The following OSTC variants were observed in gnomAD, a reference collection of about 807,000 sequenced individuals.
OSTC encodes oligosaccharyltransferase complex subunit OSTC.
Under a neutral mutation model 16.4 loss-of-function variants are expected in OSTC, and 16 were observed. The observed-to-expected ratio is 0.98, with a 90% CI of 0.66 to 1.49. The LOEUF (loss-of-function observed/expected upper bound fraction) is 1.49, where lower values mean the gene tolerates loss of function less well. Among genes scored for constraint, OSTC ranks in the 40% most tolerant of loss-of-function variants. The probability of loss-of-function intolerance (pLI) is 0.00; values close to 1 mark genes in which losing one functional copy is unlikely to be tolerated. For synonymous variants in OSTC, 67 were observed against 68.5 expected (o/e 0.98, Z 0.11); for missense variants, 139 against 186.3 (o/e 0.75, Z 1.48).
chr4:108,652,465 G>T (rs565993448), intron 1 of OSTC, among the ~76,000 whole-genome samples: 1 of 152,156 alleles, frequency 6.6e-6, no homozygotes, highest in South Asian at 2.1e-4. Context: ...AAAGTGGAAA[G>T]GTTGCTTTTT....
At chr4:108,654,311 C>G (rs1335734104) in intron 1 of OSTC, among the ~76,000 whole-genome samples, 1 of 152,136 alleles carries the variant, frequency 6.6e-6, no homozygotes, top group African/African-American at 2.4e-5. Context: ...AAGTCTGACT[C>G]CCTTTCAGAA....
chr4:108,655,664 G>C lies in OSTC; in HGVS notation c.233+7G>C. ...TAGCTTTCTTGGCCTACAGGTAAAA[G>C]ATACCTTTTTGAATGATTTGGTGGT... On this transcript the variant is annotated splice_region_variant and intron_variant, in intron 2 of 3. Coordinates refer to ENST00000361564, the MANE Select transcript of OSTC (RefSeq NM_021227.4). 1 of 1,582,658 alleles carries C rather than the reference G, an allele frequency of 6.3e-7. No individual in the cohort carries two copies.
chr4:108,664,925 T>G (rs896964854), intron 3 of OSTC, among the ~76,000 whole-genome samples: 1 of 152,148 alleles, frequency 6.6e-6, no homozygotes, highest in African/African-American at 2.4e-5. Context: ...TGTTCAGTTT[T>G]GGATTTGGGA....
intron 3 of OSTC, among the ~76,000 whole-genome samples, chr4:108,664,649 G>A (rs186558199): frequency 5.0e-4 from 76 of 151,306 alleles, no homozygotes; most frequent in Non-Finnish European, 8.4e-4. Flanking sequence ...GCTGGAGTGC[G>A]GTGGCATGAT....
chr4:108,655,473 A>AAAAAG lies in OSTC; in HGVS notation c.140-91_140-90insAAAAG, dbSNP rs1726676414. On this transcript the variant is annotated intron_variant, in intron 1 of 3. Coordinates refer to ENST00000361564, the MANE Select transcript of OSTC (RefSeq NM_021227.4). Reference sequence around the variant, plus strand: ...CAGAGTGAGACTCTGTCTCAAAAAAAGTAAATGAACCTTAAGAGACAATGA... The same window carrying AAAAAG: ...CAGAGTGAGACTCTGTCTCAAAAAAAAAAAGGTAAATGAACCTTAAGAGACAATGA... The AAAAAG allele has an allele frequency of 4.6e-6, 4 of 878,948 alleles. No homozygotes were observed. The African/African-American group carries it at 7.1e-5, about 16-fold the overall frequency. The allele number at this position is 878,948 out of a possible 1,614,324, so 54.4% of individuals were successfully genotyped here.
intron 3 of OSTC, 44 bp downstream of exon 3, chr4:108,657,691 A>G: frequency 6.7e-7 from 1 of 1,493,462 alleles, no homozygotes; most frequent in Non-Finnish European, 9.2e-7. Context: ...CAAATTGGTA[A>G]AATGATTACC....
chr4:108,659,441 T>C (rs1726797591), intron 3 of OSTC, among the ~76,000 whole-genome samples: 1 of 152,022 alleles, frequency 6.6e-6, no homozygotes, highest in African/African-American at 2.4e-5. Flanking sequence ...AGACTGAAGT[T>C]TTCATTAGCA....
intron 3 of OSTC, among the ~76,000 whole-genome samples, chr4:108,662,927 G>T (rs1485834273): frequency 6.6e-6 from 1 of 152,200 alleles, no homozygotes; most frequent in Non-Finnish European, 1.5e-5. Context: ...AGTAGAGAGG[G>T]TGAGGAATTT....
chr4:108,666,753 C>G (rs1727017491), intron 3 of OSTC, among the ~76,000 whole-genome samples: 1 of 144,988 alleles, frequency 6.9e-6, no homozygotes, highest in South Asian at 2.2e-4. Flanking sequence ...CGCGTGTAAT[C>G]CCAGCACTTT....
In OSTC at chr4:108,657,473, A is replaced by G; in HGVS notation, c.257A>G (p.Glu86Gly). 1.9e-6 allele frequency: 3 copies of G among 1,612,784 alleles called. No homozygotes were observed. The highest frequency in any genetic ancestry group is 2.5e-6 in the Non-Finnish European group (3 of 1,178,898). Residue 86 changes from glutamate to glycine, a missense_variant, in exon 3 of 4, where the codon GAA becomes GGA. Transcript: ENST00000361564. ...AGAGTAAATGGACAATATATTATGGAAGGACTTGCATCCAGCTTCCTATTT... is the reference window on the plus strand; with the variant it reads ...AGAGTAAATGGACAATATATTATGGGAGGACTTGCATCCAGCTTCCTATTT... The part of the protein sequence containing the change: ...AYRVNGQYIM[E>G]GLASSFLFTM...
At chr4:108,664,668 A>C (rs1183609950) in intron 3 of OSTC, among the ~76,000 whole-genome samples, 1 of 151,016 alleles carries the variant, frequency 6.6e-6, no homozygotes, top group African/African-American at 2.4e-5. Context: ...ATCTCGGTTC[A>C]CTGCAATCTC....
chr4:108,657,695 G>T, intron 3 of OSTC, 48 bp downstream of exon 3: 2 of 1,474,312 alleles, frequency 1.4e-6, no homozygotes, highest in South Asian at 1.2e-5. Context: ...TTGGTAAAAT[G>T]ATTACCTGGA....
rs554451893 is a variant in OSTC at position 108,653,482 on chromosome 4, A to T, written c.140-2082A>T. On this transcript the variant is annotated intron_variant, in intron 1 of 3. Transcript: ENST00000361564. ...AGTTGACTTAGACTATACAAGGTTT[A>T]TGGTAGTGGAGATTAGGATAATATA... is the stretch of plus-strand genomic sequence containing the variant. Among the ~76,000 whole-genome samples the T allele has an allele frequency of 3.9e-5, 6 of 152,326 alleles. No homozygotes were observed. In the South Asian group the frequency reaches 1.0e-3, roughly 26 times the overall value.
chr4:108,655,475 T>A, intron 1 of OSTC, 89 bp from the exon 2 acceptor site: 32 of 475,762 alleles, frequency 6.7e-5, no homozygotes, highest in South Asian at 1.1e-4. Context: ...TCAAAAAAAG[T>A]AAATGAACCT....
intron 3 of OSTC, among the ~76,000 whole-genome samples, chr4:108,661,280 A>T (rs1354785733): frequency 2.6e-5 from 4 of 151,954 alleles, no homozygotes; most frequent in Non-Finnish European, 4.4e-5. Flanking sequence ...ATAGCAGTAC[A>T]TTTAAAAGGA....
intron 3 of OSTC, among the ~76,000 whole-genome samples, chr4:108,661,277 T>C (rs1726851131): frequency 6.6e-6 from 1 of 151,308 alleles, no homozygotes; most frequent in Non-Finnish European, 1.5e-5. Context: ...CACATAGCAG[T>C]ACATTTAAAA....
chr4:108,664,711 G>A (rs1002697792), intron 3 of OSTC, among the ~76,000 whole-genome samples: 7 of 151,288 alleles, frequency 4.6e-5, no homozygotes, highest in South Asian at 2.1e-4. Context: ...CTCCTGCCTC[G>A]GCGTCCTGAG....
At chr4:108,667,082 G>C (rs2851374) in intron 3 of OSTC, among the ~76,000 whole-genome samples, 165 bp from the exon 4 acceptor site, 86,531 of 151,906 alleles carry the variant, frequency 0.57, 27,241 homozygotes, top group South Asian at 0.78. Flanking sequence ...GGTGAGGGGG[G>C]CAAAATATGA....
intron 2 of OSTC, 138 bp downstream of exon 2, chr4:108,655,795 A>C: frequency 1.6e-6 from 1 of 618,900 alleles, no homozygotes; most frequent in Non-Finnish European, 2.8e-6. Flanking sequence ...TGGATTCTGA[A>C]ATGGCAGAAA....
Sources: gnomAD v4.1 joint callset for allele counts (sites outside exome capture counted in the v4.1 genomes callset) on GRCh38, gnomAD v4.1.1 for gene constraint, MANE v1.5 for transcripts, NCBI Gene and HGNC (gene_info 2026-07-23, HGNC 2026-07-21) for gene names.